GUCA1C: variants seen among roughly 807,000 people sequenced by gnomAD.
The protein encoded by GUCA1C is guanylate cyclase activator 1C.
A neutral mutation model predicts 16.2 loss-of-function variants in GUCA1C; 15 were observed. The observed-to-expected ratio is 0.93, with a 90% CI of 0.62 to 1.43. The LOEUF is 1.43. Among genes scored for constraint, GUCA1C ranks in the 40% most tolerant of loss-of-function variants. The pLI is 0.00. For missense variants in GUCA1C, 275 were observed against 244.8 expected, an observed-to-expected ratio of 1.12 and a Z score of -0.82; for synonymous variants, 78 against 85.4, an observed-to-expected ratio of 0.91 and a Z score of 0.48.
intron 1 of GUCA1C, among the ~76,000 whole-genome samples, chr3:108,936,848 G>A (rs1414460370): frequency 6.6e-6 from 1 of 152,144 alleles, no homozygotes; most frequent in Non-Finnish European, 1.5e-5. Context: ...TGGAGACTTT[G>A]AGCCCAGACA....
chr3:108,914,182 T>C (rs1195799591), intron 3 of GUCA1C, among the ~76,000 whole-genome samples: 3 of 152,218 alleles, frequency 2.0e-5, no homozygotes, highest in Non-Finnish European at 2.9e-5. Flanking sequence ...GCTGACTTAT[T>C]GTTGTAAGTG....
In GUCA1C at chr3:108,907,878, C is replaced by T; in HGVS notation, c.*144G>A. 1.6e-6 allele frequency: 1 copy of T among 612,952 alleles called. No individual in the cohort carries two copies. The highest frequency in any genetic ancestry group is 2.9e-6 in the Non-Finnish European group (1 of 350,692). 38.0% of individuals were successfully genotyped at this position (612,952 alleles called of 1,614,324 possible). On this transcript the variant is annotated 3_prime_UTR_variant, in exon 4 of 4. Coordinates refer to ENST00000261047, the MANE Select transcript of GUCA1C (RefSeq NM_005459.4). ...TTTAGGATCTTTATGCAAGTCTCTA[C>T]TGGATTAAAATAAGTGCTATATTCA...
intron 1 of GUCA1C, among the ~76,000 whole-genome samples, chr3:108,923,542 G>C (rs1946590786): frequency 6.6e-6 from 1 of 152,138 alleles, no homozygotes; most frequent in South Asian, 2.1e-4. Flanking sequence ...CATGCTGTTT[G>C]GTTGACTATG....
chr3:108,909,135 C>T (rs1026906538), intron 3 of GUCA1C, among the ~76,000 whole-genome samples: 12 of 152,184 alleles, frequency 7.9e-5, no homozygotes, highest in African/African-American at 2.9e-4. Flanking sequence ...TAAAATACCA[C>T]AATATTGATT....
At chr3:108,949,659 T>C (rs1946877330) in intron 1 of GUCA1C, among the ~76,000 whole-genome samples, 1 of 152,222 alleles carries the variant, frequency 6.6e-6, no homozygotes, top group African/African-American at 2.4e-5. Context: ...ATTACCATTG[T>C]GACGGTTGAA....
intron 1 of GUCA1C, among the ~76,000 whole-genome samples, chr3:108,921,399 C>T (rs1161592202): frequency 5.3e-5 from 8 of 152,246 alleles, no homozygotes; most frequent in Non-Finnish European, 1.2e-4. Context: ...AATAAAGTTG[C>T]TATAAATATC....
In GUCA1C at chr3:108,926,522, C is replaced by T. The variant is rs559101340; in HGVS notation, c.205-5937G>A. ...TTGAGACGGAGTCTCGCTCTGTCCC[C>T]CAGGCTGGAGTGCAGTGGCGTAATC... On this transcript the variant is annotated intron_variant, in intron 1 of 3. Coordinates refer to ENST00000261047, the MANE Select transcript of GUCA1C (RefSeq NM_005459.4). Among the ~76,000 whole-genome samples the T allele has an allele frequency of 7.9e-5, 12 of 152,342 alleles. No individual in the cohort carries two copies. The South Asian group carries it at 2.3e-3, about 29-fold the overall frequency.
chr3:108,954,294 T>A (rs543519713), upstream of GUCA1C, among the ~76,000 whole-genome samples: 1 of 152,236 alleles, frequency 6.6e-6, no homozygotes, highest in South Asian at 2.1e-4. Flanking sequence ...CATGAAAAAA[T>A]CATACATTGA....
chr3:108,927,742 G>A (rs1269261189), intron 1 of GUCA1C, among the ~76,000 whole-genome samples: 1 of 152,084 alleles, frequency 6.6e-6, no homozygotes, highest in Non-Finnish European at 1.5e-5. Context: ...CAGAGATTTT[G>A]TCTTGTTTTG....
chr3:108,934,470 C>A (rs35201709), intron 1 of GUCA1C, among the ~76,000 whole-genome samples: 4,976 of 152,098 alleles, frequency 0.033, 109 homozygotes, highest in Middle Eastern at 0.12. Context: ...TTTCTCAAAC[C>A]ACTTAAAACA....
intron 2 of GUCA1C, among the ~76,000 whole-genome samples, chr3:108,919,866 C>T (rs1425460786): frequency 6.6e-6 from 1 of 152,090 alleles, no homozygotes; most frequent in Non-Finnish European, 1.5e-5. Flanking sequence ...TAGTGTCCTG[C>T]TTAACCATTT....
At chr3:108,920,396 A>G (rs1946557426) in intron 2 of GUCA1C, 40 bp downstream of exon 2, 1 of 1,533,738 alleles carries the variant, frequency 6.5e-7, no homozygotes, top group Non-Finnish European at 9.0e-7. Flanking sequence ...TGGGTTAACT[A>G]TATAGCGGCC....
chr3:108,933,328 T>C (rs924095749), intron 1 of GUCA1C, among the ~76,000 whole-genome samples: 4 of 152,104 alleles, frequency 2.6e-5, no homozygotes, highest in African/African-American at 7.2e-5. Flanking sequence ...GCATATAAAA[T>C]ATAAAATAAT....
chr3:108,915,917 T>C, intron 3 of GUCA1C: 1 of 569,664 alleles, frequency 1.8e-6, no homozygotes, highest in Non-Finnish European at 3.0e-6. Flanking sequence ...TATCCCAACA[T>C]GTCAAGCACC....
chr3:108,916,240 G>A (rs1238436625), intron 2 of GUCA1C, 26 bp from the exon 3 acceptor site: 1 of 1,597,488 alleles, frequency 6.3e-7, no homozygotes, highest in Admixed American at 1.8e-5. Flanking sequence ...AAATGAAAGA[G>A]GTCAACTTTT....
intron 2 of GUCA1C, among the ~76,000 whole-genome samples, chr3:108,919,431 T>C (rs1015522211): frequency 1.3e-5 from 2 of 152,186 alleles, no homozygotes; most frequent in Admixed American, 1.3e-4. Flanking sequence ...TGTGTTGCAA[T>C]ATATAAGGTA....
In GUCA1C at chr3:108,934,201, A is replaced by G. The variant is rs1946698229; in HGVS notation, c.205-13616T>C. Among the ~76,000 whole-genome samples the G allele has an allele frequency of 2.0e-5, 3 of 152,164 alleles. No individual in the cohort carries two copies. In the South Asian group the frequency reaches 6.2e-4, roughly 31 times the overall value. ...GGGGGGTGGGTGGCAAGGGGAGGGA[A>G]AGCATTAGGACAAATACATAATGCA... On this transcript the variant is annotated intron_variant, in intron 1 of 3. Transcript: ENST00000261047.
At chr3:108,932,576 GAA>G (rs1946680113) in intron 1 of GUCA1C, among the ~76,000 whole-genome samples, 1 of 152,064 alleles carries the variant, frequency 6.6e-6, no homozygotes, top group African/African-American at 2.4e-5. Context: ...AAACTAATTT[GAA>G]AAATTATGAC....
chr3:108,954,727 T>C (rs1372354078), upstream of GUCA1C, among the ~76,000 whole-genome samples: 1 of 149,540 alleles, frequency 6.7e-6, no homozygotes, highest in Non-Finnish European at 1.5e-5. Flanking sequence ...CCCTAAATTA[T>C]AGTTCTCCTT....
Sources: gnomAD v4.1 joint callset for allele counts (sites outside exome capture counted in the v4.1 genomes callset) on GRCh38, gnomAD v4.1.1 for gene constraint, MANE v1.5 for transcripts, NCBI Gene and HGNC (gene_info 2026-07-23, HGNC 2026-07-21) for gene names.